Variants in MEIS1 observed in about 807,000 individuals in gnomAD.
MEIS1 encodes the protein homeobox protein Meis1.
Under a neutral mutation model 50.8 loss-of-function variants are expected in MEIS1, and 5 were observed. The observed-to-expected ratio is 0.10, with a 90% confidence interval of 0.05 to 0.21. The LOEUF is 0.21. Among genes scored for constraint, MEIS1 ranks in the 10% least tolerant of loss-of-function variants. The probability of loss-of-function intolerance (pLI) is 1.00; values close to 1 mark genes in which losing one functional copy is unlikely to be tolerated. For missense variants in MEIS1, 318 were observed against 517.3 expected (o/e 0.61, Z 3.74); for synonymous variants, 176 against 179.3 (o/e 0.98, Z 0.15).
At chr2:66,491,349 C>T (rs1311141481) in intron 7 of MEIS1, among the ~76,000 whole-genome samples, 1 of 152,200 alleles carries the variant, frequency 6.6e-6, no homozygotes, top group African/African-American at 2.4e-5. Context: ...AATTTTCTGC[C>T]CTTTCAATTG....
intron 9 of MEIS1, among the ~76,000 whole-genome samples, chr2:66,555,849 TG>T (rs1675049496): frequency 1.3e-5 from 2 of 152,186 alleles, no homozygotes; most frequent in African/African-American, 4.8e-5. Flanking sequence ...GGGCAAATGT[TG>T]CCTCCTGGTT....
chr2:66,437,876 C>A lies in MEIS1; in HGVS notation c.152C>A (p.Pro51Gln), dbSNP rs865922622. The change falls in exon 2 of 13, where the codon CCG becomes CAG. Residue 51 changes from proline (P) to glutamine (Q), a missense_variant. Around this residue, in one of 6 missense-constraint regions of MEIS1, gnomAD observed 100 missense variants for 107.1 expected, o/e 0.93. Coordinates refer to ENST00000272369, the MANE Select transcript of MEIS1 (RefSeq NM_002398.3). Reference sequence around the variant, plus strand: ...CCTCCTCTGCACTCGCATCAGTACCCGCACACAGCTCATACCAACGCCATG... The same window carrying A: ...CCTCCTCTGCACTCGCATCAGTACCAGCACACAGCTCATACCAACGCCATG... The part of the protein sequence containing the change: ...HGPPLHSHQY[P>Q]HTAHTNAMAP... The A allele has an allele frequency of 1.2e-6, 2 of 1,612,522 alleles. No individual in the cohort carries two copies.
chr2:66,536,878 T>TTC (rs147183784), intron 8 of MEIS1, among the ~76,000 whole-genome samples: 9 of 150,620 alleles, frequency 6.0e-5, no homozygotes, highest in Admixed American at 1.3e-4. Context: ...TTAAAGTGCA[T>TTC]TCTCTCTCTC....
chr2:66,525,165 A>G (rs940125982), intron 8 of MEIS1, among the ~76,000 whole-genome samples: 1 of 152,204 alleles, frequency 6.6e-6, no homozygotes, highest in Admixed American at 6.5e-5. Flanking sequence ...GTGAGCCAAG[A>G]TCACTCCACT....
chr2:66,449,847 T>C (rs1672238664), intron 6 of MEIS1, among the ~76,000 whole-genome samples: 1 of 152,158 alleles, frequency 6.6e-6, no homozygotes, highest in South Asian at 2.1e-4. Flanking sequence ...TTTCCAATTA[T>C]TTTATATTCT....
At chr2:66,557,828 G>A (rs1411390944) in intron 9 of MEIS1, among the ~76,000 whole-genome samples, 1 of 152,064 alleles carries the variant, frequency 6.6e-6, no homozygotes, top group Non-Finnish European at 1.5e-5. Flanking sequence ...CTTTTCATTC[G>A]ATCATCCCAA....
At position 66,485,350 on chromosome 2, in the gene MEIS1, T is replaced by C. The variant is rs190548625; in HGVS notation, c.742+21130T>C. ...CCTCCCACTTATGAGTGAGAACATG[T>C]GGTGTTTAGTTTTCTGTTCCTGTGT... On this transcript the variant is annotated intron_variant, in intron 7 of 12. Transcript: ENST00000272369. Among the ~76,000 whole-genome samples the C allele has an allele frequency of 5.9e-4, 90 of 152,168 alleles. No individual in the cohort carries two copies. In the Middle Eastern group the frequency reaches 0.014, roughly 23 times the overall value.
chr2:66,455,298 C>G (rs1280341268), intron 6 of MEIS1, among the ~76,000 whole-genome samples: 1 of 152,090 alleles, frequency 6.6e-6, no homozygotes, highest in Non-Finnish European at 1.5e-5. Flanking sequence ...TGTAATTATT[C>G]CTTTTCTTTG....
chr2:66,547,769 T>C (rs1451691196), intron 8 of MEIS1, among the ~76,000 whole-genome samples, 174 bp from the exon 9 acceptor site: 2 of 152,222 alleles, frequency 1.3e-5, no homozygotes, highest in East Asian at 3.9e-4. Context: ...TCATTAATCT[T>C]TGTAATTGGC....
At chr2:66,557,785 G>A (rs1675103065) in intron 9 of MEIS1, among the ~76,000 whole-genome samples, 1 of 152,152 alleles carries the variant, frequency 6.6e-6, no homozygotes, top group African/African-American at 2.4e-5. Flanking sequence ...TAGCAACAAA[G>A]ACCTGTCTTA....
At chr2:66,456,962 A>G (rs983795173) in intron 6 of MEIS1, among the ~76,000 whole-genome samples, 8 of 152,232 alleles carry the variant, frequency 5.3e-5, no homozygotes, top group Non-Finnish European at 1.0e-4. Context: ...ATTCCTCACA[A>G]CACTTTAATG....
chr2:66,516,961 A>G (rs1321391512), intron 8 of MEIS1, among the ~76,000 whole-genome samples: 2 of 152,220 alleles, frequency 1.3e-5, no homozygotes, highest in Non-Finnish European at 2.9e-5. Context: ...TGGATAATCC[A>G]TTCTGTTGAT....
intron 8 of MEIS1, among the ~76,000 whole-genome samples, chr2:66,535,241 C>G (rs921684432): frequency 1.1e-4 from 16 of 152,106 alleles, no homozygotes; most frequent in Non-Finnish European, 2.4e-4. Flanking sequence ...TTTGTTTTCT[C>G]TTGTATAGAA....
intron 7 of MEIS1, among the ~76,000 whole-genome samples, chr2:66,480,023 C>A (rs1354945986): frequency 3.9e-5 from 6 of 152,056 alleles, no homozygotes; most frequent in African/African-American, 1.4e-4. Context: ...TAGATTCTTG[C>A]CCTGTGGAAA....
intron 7 of MEIS1, among the ~76,000 whole-genome samples, chr2:66,511,190 T>G (rs1013801734): frequency 6.6e-6 from 1 of 152,158 alleles, no homozygotes; most frequent in East Asian, 1.9e-4. Context: ...ATACCTACTT[T>G]CCATTTGTAC....
intron 8 of MEIS1, among the ~76,000 whole-genome samples, chr2:66,528,640 T>TTGCCAC (rs1314728940): frequency 2.6e-5 from 4 of 152,154 alleles, no homozygotes; most frequent in African/African-American, 7.2e-5. Flanking sequence ...CCTAGCTCCA[T>TTGCCAC]TGCCACTGCC....
intron 10 of MEIS1, 78 bp from the exon 11 acceptor site, chr2:66,568,589 C>G: frequency 9.3e-7 from 1 of 1,076,308 alleles, no homozygotes; most frequent in Non-Finnish European, 1.4e-6. Context: ...CTGGTATGTT[C>G]TCCTCTTAGT....
rs778590386 is a variant in MEIS1, at chr2:66,547,963, A to G, written c.909A>G (p.Glu303=). 1 of 1,613,152 alleles carries G rather than the reference A, an allele frequency of 6.2e-7. No individual in the cohort carries two copies. Among genetic ancestry groups the G allele is most frequent in the Non-Finnish European group, 8.5e-7 (1 of 1,179,266 alleles). The change falls in exon 9 of 13, where the codon GAA becomes GAG. Residue 303 remains glutamate, a synonymous_variant. Transcript: ENST00000272369. ...QHLTHPYPSE[E]QKKQLAQDTG... The stretch of plus-strand genomic sequence containing the variant: ...TTCAGCACCCTTACCCTTCTGAAGA[A>G]CAGAAAAAGCAGTTGGCACAAGACA...
At chr2:66,560,828 C>T (rs1488006465) in intron 9 of MEIS1, among the ~76,000 whole-genome samples, 1 of 152,070 alleles carries the variant, frequency 6.6e-6, no homozygotes, top group Non-Finnish European at 1.5e-5. Flanking sequence ...TATTCTCCTC[C>T]TGCCGCTGTT....
Sources: gnomAD v4.1 joint callset for allele counts (sites outside exome capture counted in the v4.1 genomes callset) on GRCh38, gnomAD v4.1.1 for gene constraint, gnomAD v4.1.1 regional missense constraint, MANE v1.5 for transcripts, NCBI Gene and HGNC (gene_info 2026-07-23, HGNC 2026-07-21) for gene names.